The following CTXN3 variants were observed in gnomAD, a reference collection of about 807,000 sequenced individuals.
CTXN3 encodes the protein cortexin-3.
A neutral mutation model predicts 5.0 loss-of-function variants in CTXN3; 4 were observed. The ratio of observed to expected loss-of-function variants is 0.79; its 90% CI spans 0.39 to 1.82. The LOEUF is 1.82. Ranked by LOEUF, CTXN3 falls within the 40% of genes most tolerant of loss-of-function variation. The probability of loss-of-function intolerance (pLI) is 0.04; values close to 1 mark genes in which losing one functional copy is unlikely to be tolerated. For synonymous variants in CTXN3, 48 were observed against 38.6 expected (o/e 1.24, Z -0.91); for missense variants, 89 against 99.7 (o/e 0.89, Z 0.46).
In CTXN3 at chr5:127,657,955, A is replaced by G; in HGVS notation, c.*188A>G. Reference sequence around the variant, plus strand: ...GGATGTTGGAAATGGACACTTATATAACTAATCCAACATAAGAAGGTTTAA... The same window carrying G: ...GGATGTTGGAAATGGACACTTATATGACTAATCCAACATAAGAAGGTTTAA... On this transcript the variant is annotated 3_prime_UTR_variant, in exon 3 of 3. Coordinates refer to ENST00000379445, the MANE Select transcript of CTXN3 (RefSeq NM_001048252.3). 1.5e-6 allele frequency: 1 copy of G among 646,382 alleles called. No homozygotes were observed. Among genetic ancestry groups the G allele is most frequent in the Non-Finnish European group, 2.7e-6 (1 of 374,028 alleles). The allele number at this position is 646,382 out of a possible 1,614,324, so 40.0% of individuals were successfully genotyped here.
chr5:127,655,255 C>G (rs902311058), intron 2 of CTXN3, among the ~76,000 whole-genome samples: 1 of 152,104 alleles, frequency 6.6e-6, no homozygotes, highest in Non-Finnish European at 1.5e-5. Context: ...AAGAGCGAAA[C>G]TCCGTCTCAA....
At chr5:127,651,884 T>C (rs1347496319) in intron 1 of CTXN3, 2 of 151,920 alleles carry the variant, frequency 1.3e-5, no homozygotes, top group African/African-American at 4.8e-5. Context: ...TCAGAGAAAG[T>C]ATTTTTTCCT....
At chr5:127,651,802 A>G (rs971449904) in intron 1 of CTXN3, 1 of 152,002 alleles carries the variant, frequency 6.6e-6, no homozygotes, top group Non-Finnish European at 1.5e-5. Flanking sequence ...CAATGCACTT[A>G]AGTAATTCTG....
chr5:127,650,401 T>A (rs1199522985), intron 1 of CTXN3, among the ~76,000 whole-genome samples: 1 of 152,202 alleles, frequency 6.6e-6, no homozygotes, highest in Admixed American at 6.5e-5. Context: ...GTATAAAATA[T>A]ATTTACCCTT....
Sources: gnomAD v4.1 joint callset for allele counts (sites outside exome capture counted in the v4.1 genomes callset) on GRCh38, gnomAD v4.1.1 for gene constraint, MANE v1.5 for transcripts, NCBI Gene and HGNC (gene_info 2026-07-23, HGNC 2026-07-21) for gene names.